CCDC85A: variants seen among roughly 807,000 people sequenced by gnomAD.
CCDC85A encodes coiled-coil domain containing 85A.
In CCDC85A, 38 loss-of-function variants were observed where a neutral mutation model predicts 50.2. The observed-to-expected ratio is 0.76, with a 90% CI of 0.58 to 0.99. CCDC85A has a LOEUF of 0.99. Ranked by LOEUF, CCDC85A falls within the 50% of genes least tolerant of loss-of-function variation. The probability of loss-of-function intolerance (pLI) is 0.00; values close to 1 mark genes in which losing one functional copy is unlikely to be tolerated. For synonymous variants in CCDC85A, 366 were observed against 301.4 expected (o/e 1.21, Z -2.22); for missense variants, 820 against 742.0 (o/e 1.11, Z -1.22).
Position 56,183,998 on chromosome 2 carries a change from C to A in CCDC85A, c.-627C>A. On this transcript the variant is annotated 5_prime_UTR_variant, in exon 1 of 6. Coordinates refer to ENST00000407595, the MANE Select transcript of CCDC85A (RefSeq NM_001080433.2). ...TCCCCCACCCTCCACCCCTTCTCGA[C>A]TCCGCTCTGCAAATCGAAGGCTTTC... 1 of 985,638 alleles carries A rather than the reference C, an allele frequency of 1.0e-6. No homozygotes were observed. Among genetic ancestry groups the A allele is most frequent in the Non-Finnish European group, 1.2e-6 (1 of 830,136 alleles). 61.1% of individuals were successfully genotyped at this position (985,638 alleles called of 1,614,324 possible). A position where few individuals can be genotyped will look rare whatever the true frequency, so the allele number is the denominator to read the frequency against.
At chr2:56,313,158 C>T (rs1260177983) in intron 2 of CCDC85A, among the ~76,000 whole-genome samples, 2 of 152,204 alleles carry the variant, frequency 1.3e-5, no homozygotes, top group African/African-American at 4.8e-5. Flanking sequence ...ACTCTTTGTA[C>T]AATCCAGTTG....
intron 2 of CCDC85A, among the ~76,000 whole-genome samples, chr2:56,307,990 G>A (rs1672519074): frequency 6.6e-6 from 1 of 152,194 alleles, no homozygotes; most frequent in South Asian, 2.1e-4. Context: ...TCTTTAGGAA[G>A]TGTGTTTTAC....
At chr2:56,226,219 A>G (rs534051044) in intron 2 of CCDC85A, among the ~76,000 whole-genome samples, 7 of 152,214 alleles carry the variant, frequency 4.6e-5, no homozygotes, top group Non-Finnish European at 1.0e-4. Context: ...AATTTACTTG[A>G]CATGCCTTAA....
At chr2:56,318,562 A>G (rs1455152057) in intron 2 of CCDC85A, among the ~76,000 whole-genome samples, 1 of 152,024 alleles carries the variant, frequency 6.6e-6, no homozygotes, top group Non-Finnish European at 1.5e-5. Flanking sequence ...TCTTCATTAT[A>G]TTTCAGCATC....
Position 56,252,519 on chromosome 2 carries a change from A to G in CCDC85A, c.1240+59079A>G, listed in dbSNP as rs148012440. Among the ~76,000 whole-genome samples the G allele has an allele frequency of 3.0e-3, 458 of 152,194 alleles. 2 individuals are homozygous for G. Among genetic ancestry groups the G allele is most frequent in the African/African-American group, 0.01 (429 of 41,516 alleles). ...TAGTACGTAAAAGGAGAATTGCACT[A>G]TGATCAGGCTGCTCTGGGTATTTTT... On this transcript the variant is annotated intron_variant, in intron 2 of 5. Transcript: ENST00000407595.
intron 2 of CCDC85A, among the ~76,000 whole-genome samples, chr2:56,221,835 T>A (rs1668340684): frequency 1.3e-5 from 2 of 152,102 alleles, no homozygotes; most frequent in African/African-American, 4.8e-5. Context: ...TCTGCTGCTA[T>A]AATAGAATAC....
intron 3 of CCDC85A, among the ~76,000 whole-genome samples, chr2:56,371,979 T>C (rs532866604): frequency 6.6e-6 from 1 of 152,328 alleles, no homozygotes; most frequent in Non-Finnish European, 1.5e-5. Context: ...TCTGAAGTTA[T>C]GTAGTTTATT....
At chr2:56,343,008 T>G in intron 3 of CCDC85A, 53 bp downstream of exon 3, 1 of 1,240,182 alleles carries the variant, frequency 8.1e-7, no homozygotes, top group South Asian at 1.4e-5. Flanking sequence ...AGTTGTAGTA[T>G]TTTATTTGGA....
At chr2:56,308,427 C>G (rs1205491278) in intron 2 of CCDC85A, among the ~76,000 whole-genome samples, 1 of 152,070 alleles carries the variant, frequency 6.6e-6, no homozygotes, top group East Asian at 1.9e-4. Flanking sequence ...CTTAGAAGAT[C>G]AACTTAATGT....
At chr2:56,376,058 G>A in intron 5 of CCDC85A, 123 bp downstream of exon 5, 1 of 1,013,206 alleles carries the variant, frequency 9.9e-7, no homozygotes. Context: ...ACTCCTTATG[G>A]TGTAACTTTT....
intron 5 of CCDC85A, among the ~76,000 whole-genome samples, chr2:56,376,652 ATATT>A (rs146470060): frequency 2.3e-3 from 344 of 152,308 alleles, no homozygotes; most frequent in African/African-American, 7.5e-3. Context: ...AACAATATAA[ATATT>A]TACTTATCTC....
At chr2:56,245,062 A>T (rs1234617759) in intron 2 of CCDC85A, among the ~76,000 whole-genome samples, 1 of 152,128 alleles carries the variant, frequency 6.6e-6, no homozygotes, top group Admixed American at 6.5e-5. Context: ...GCACTCCCTT[A>T]GCCACCCTGA....
At chr2:56,314,545 C>T (rs1422473864) in intron 2 of CCDC85A, among the ~76,000 whole-genome samples, 3 of 152,028 alleles carry the variant, frequency 2.0e-5, no homozygotes, top group Non-Finnish European at 2.9e-5. Context: ...TTATAATGCT[C>T]ATTATTATCT....
chr2:56,296,241 C>G (rs573447110), intron 2 of CCDC85A, among the ~76,000 whole-genome samples: 1 of 152,208 alleles, frequency 6.6e-6, no homozygotes, highest in East Asian at 1.9e-4. Context: ...GCTATTTTAA[C>G]AGCACCTGTG....
intron 2 of CCDC85A, among the ~76,000 whole-genome samples, chr2:56,238,834 A>G (rs1403327651): frequency 1.3e-5 from 2 of 152,182 alleles, no homozygotes; most frequent in Non-Finnish European, 2.9e-5. Context: ...TTATTTTTAC[A>G]GAGCATTGAG....
chr2:56,278,970 A>G (rs1329651095), intron 2 of CCDC85A, among the ~76,000 whole-genome samples: 2 of 152,206 alleles, frequency 1.3e-5, no homozygotes. Flanking sequence ...GAAGGAACAA[A>G]CCATCTCCTT....
At chr2:56,282,973 G>A (rs1277962484) in intron 2 of CCDC85A, among the ~76,000 whole-genome samples, 1 of 152,008 alleles carries the variant, frequency 6.6e-6, no homozygotes, top group Non-Finnish European at 1.5e-5. Context: ...CTAGTATATA[G>A]AAATACACAG....
intron 1 of CCDC85A, among the ~76,000 whole-genome samples, chr2:56,185,337 GAGGGCGAGGAA>G (rs1558572022): frequency 6.6e-6 from 1 of 152,210 alleles, no homozygotes; most frequent in Non-Finnish European, 1.5e-5. Context: ...TGGGCGGGCA[GAGGGCGAGGAA>G]AGGGCGCCAC....
At chr2:56,298,967 A>G (rs536890358) in intron 2 of CCDC85A, among the ~76,000 whole-genome samples, 1 of 152,240 alleles carries the variant, frequency 6.6e-6, no homozygotes, top group Non-Finnish European at 1.5e-5. Flanking sequence ...TTCTTCTTCA[A>G]CCCTGTCATT....
Sources: allele counts gnomAD v4.1 joint callset (sites outside exome capture counted in the v4.1 genomes callset), GRCh38; gene constraint gnomAD v4.1.1; transcripts MANE v1.5; gene names NCBI Gene and HGNC (gene_info 2026-07-23, HGNC 2026-07-21).